PPARGC1B: variants seen among roughly 807,000 people sequenced by gnomAD.
The protein encoded by PPARGC1B is peroxisome proliferator-activated receptor gamma coactivator 1-beta.
Under a neutral mutation model 101.6 loss-of-function variants are expected in PPARGC1B, and 34 were observed. That is an observed-to-expected ratio of 0.33 (90% CI 0.25 to 0.45). The LOEUF (loss-of-function observed/expected upper bound fraction) is 0.45, where lower values mean the gene tolerates loss of function less well. Among genes scored for constraint, PPARGC1B ranks in the 20% least tolerant of loss-of-function variants. The probability of loss-of-function intolerance (pLI) is 1.00; values close to 1 mark genes in which losing one functional copy is unlikely to be tolerated. For missense variants in PPARGC1B, 1,234 were observed against 1,317.6 expected, an observed-to-expected ratio of 0.94 and a Z score of 0.98; for synonymous variants, 548 against 539.3, an observed-to-expected ratio of 1.02 and a Z score of -0.22.
rs1422235216 is a variant in PPARGC1B, at chr5:149,761,296, C to G, written c.78+30876C>G. On this transcript the variant is annotated intron_variant, in intron 1 of 11. Transcript: ENST00000309241. The stretch of plus-strand genomic sequence containing the variant: ...GTGGTGAGAACGTTTAAGATCTACT[C>G]TCTTAGTCAATTTCAAGTATACAAT... 3.3e-5 allele frequency: 5 copies of G among 152,250 alleles called. No homozygotes were observed. In the East Asian group the frequency reaches 9.6e-4, roughly 29 times the overall value. 9.4% of individuals were successfully genotyped at this position (152,250 alleles called of 1,614,324 possible). A position where few individuals can be genotyped will look rare whatever the true frequency, so the allele number is the denominator to read the frequency against.
intron 3 of PPARGC1B, 47 bp downstream of exon 3, chr5:149,826,932 G>C: frequency 6.9e-7 from 1 of 1,459,678 alleles, no homozygotes; most frequent in Middle Eastern, 2.4e-4. Flanking sequence ...CCTGGGATTA[G>C]GTTTCTGGTT....
Position 149,730,352 on chromosome 5 carries a change from A to G in PPARGC1B, c.10A>G (p.Asn4Asp). The G allele has an allele frequency of 1.9e-6, 3 of 1,563,220 alleles. No homozygotes were observed. The highest frequency in any genetic ancestry group is 1.2e-5 in the South Asian group (1 of 83,848). Residue 4 changes from asparagine to aspartate, a missense_variant, in exon 1 of 12, where the codon AAC becomes GAC. By Grantham distance (23) the Asn-to-Asp change is conservative (BLOSUM62 1). This residue lies in a region of PPARGC1B where 734 missense variants were observed against 768.4 expected (regional missense o/e 0.96). Coordinates refer to ENST00000309241, the MANE Select transcript of PPARGC1B (RefSeq NM_133263.4). This position sits in a 1 kb window ranked among gnomAD's most constrained non-coding sequence, Gnocchi z 4.0. MAGNDCGALLDEEL... is the reference protein window; with the variant it reads MAGDDCGALLDEEL... ...CAGCCGCGGCTGGAAGATGGCGGGG[A>G]ACGACTGCGGCGCGCTGCTGGACGA...
intron 1 of PPARGC1B, among the ~76,000 whole-genome samples, chr5:149,771,725 G>A (rs908783281): frequency 1.3e-5 from 2 of 152,160 alleles, no homozygotes; most frequent in Non-Finnish European, 2.9e-5. Flanking sequence ...TGTTCTTTCT[G>A]TTTGCCTAGC....
intron 1 of PPARGC1B, among the ~76,000 whole-genome samples, chr5:149,761,863 TGTGGATAACA>T (rs1204581332): frequency 6.6e-6 from 1 of 152,172 alleles, no homozygotes; most frequent in Non-Finnish European, 1.5e-5. Flanking sequence ...CCCGTGGACA[TGTGGATAACA>T]GTAGTGCCAA....
rs188219918 is a variant in PPARGC1B, at chr5:149,834,216, C to T, written c.1705+438C>T. ...CAACAGTTAGCCACTGTATACTTAC[C>T]GTGCTGGCACTGGTCTCAGATGAAC... On this transcript the variant is annotated intron_variant, in intron 5 of 11. Coordinates refer to ENST00000309241, the MANE Select transcript of PPARGC1B (RefSeq NM_133263.4). Among the ~76,000 whole-genome samples the T allele has an allele frequency of 3.5e-3, 528 of 152,330 alleles. 5 individuals carry two copies. The highest frequency in any genetic ancestry group is 1.6e-3 in the Non-Finnish European group (110 of 68,030).
At chr5:149,813,139 C>CAGTT (rs1328097573) in intron 1 of PPARGC1B, among the ~76,000 whole-genome samples, 13 of 152,104 alleles carry the variant, frequency 8.5e-5, no homozygotes, top group African/African-American at 3.1e-4. Flanking sequence ...GGGCTGGGAT[C>CAGTT]AGTTAGTGGT....
chr5:149,809,615 G>A (rs1268542750), intron 1 of PPARGC1B, among the ~76,000 whole-genome samples: 2 of 148,346 alleles, frequency 1.3e-5, no homozygotes, highest in African/African-American at 5.0e-5. Context: ...TTGAGCCCGG[G>A]AATTCAAGGC....
At chr5:149,838,709 T>C (rs914352057) in intron 8 of PPARGC1B, among the ~76,000 whole-genome samples, 2 of 152,232 alleles carry the variant, frequency 1.3e-5, no homozygotes, top group African/African-American at 4.8e-5. Context: ...TTCCTTTTTC[T>C]CTTCTCACTT....
At chr5:149,824,148 G>A (rs1360847612) in intron 2 of PPARGC1B, among the ~76,000 whole-genome samples, 2 of 152,216 alleles carry the variant, frequency 1.3e-5, no homozygotes, top group African/African-American at 4.8e-5. Flanking sequence ...TGTGCGCCAC[G>A]CATTTGAAAT....
chr5:149,809,866 G>T (rs1757783034), intron 1 of PPARGC1B, among the ~76,000 whole-genome samples: 1 of 152,078 alleles, frequency 6.6e-6, no homozygotes, highest in Admixed American at 6.6e-5. Flanking sequence ...TTGGGGTGCA[G>T]TGGTCAGGGA....
intron 1 of PPARGC1B, among the ~76,000 whole-genome samples, chr5:149,802,666 A>T (rs943096740): frequency 6.6e-6 from 1 of 150,646 alleles, no homozygotes; most frequent in Non-Finnish European, 1.5e-5. Flanking sequence ...TGAGGCATAC[A>T]CAGCTTTATC....
chr5:149,775,671 C>T (rs1756331424), intron 1 of PPARGC1B, among the ~76,000 whole-genome samples: 1 of 151,816 alleles, frequency 6.6e-6, no homozygotes, highest in Admixed American at 6.6e-5. Flanking sequence ...GCTGAGTCTG[C>T]AGCTAGGCAT....
chr5:149,776,203 C>T (rs1756355524), intron 1 of PPARGC1B, among the ~76,000 whole-genome samples: 1 of 152,122 alleles, frequency 6.6e-6, no homozygotes, highest in African/African-American at 2.4e-5. Context: ...GATGAAAGAA[C>T]ATTGGACTGG....
At chr5:149,804,252 G>A (rs78077261) in intron 1 of PPARGC1B, among the ~76,000 whole-genome samples, 4,136 of 152,278 alleles carry the variant, frequency 0.027, 172 homozygotes, top group African/African-American at 0.092. Context: ...CAAAGGTTTA[G>A]TAAGCACCTA....
chr5:149,853,164 C>G lies in PPARGC1B; in HGVS notation c.*5606C>G, dbSNP rs1368697543. On this transcript the variant is annotated 3_prime_UTR_variant, in exon 12 of 12. Coordinates refer to ENST00000309241, the MANE Select transcript of PPARGC1B (RefSeq NM_133263.4). The surrounding 1 kb of genome is among the most constrained non-coding windows in gnomAD (Gnocchi z 4.2). ...ACTTGTGAAGGGAATTGGTCAGTTT[C>G]CACCTCAGCACTTTGCCTTATCAAC... 1 of 152,150 alleles carries G rather than the reference C, an allele frequency of 6.6e-6. No homozygotes were observed. The highest frequency in any genetic ancestry group is 2.4e-5 in the African/African-American group (1 of 41,420). 9.4% of individuals were successfully genotyped at this position (152,150 alleles called of 1,614,324 possible).
chr5:149,818,771 A>G (rs965142945), intron 1 of PPARGC1B: 9 of 454,156 alleles, frequency 2.0e-5, no homozygotes. Context: ...ATTATTTGTT[A>G]TATTACTCTT....
chr5:149,828,521 A>G (rs1267037928), intron 3 of PPARGC1B, among the ~76,000 whole-genome samples: 4 of 152,272 alleles, frequency 2.6e-5, no homozygotes, highest in South Asian at 2.1e-4. Flanking sequence ...TGGTACAACC[A>G]TTAGTGGTAA....
intron 1 of PPARGC1B, among the ~76,000 whole-genome samples, chr5:149,744,380 G>A (rs926604306): frequency 6.6e-6 from 1 of 152,176 alleles, no homozygotes; most frequent in Non-Finnish European, 1.5e-5. Flanking sequence ...GCAGACACGT[G>A]GACTGCAGCA....
chr5:149,826,071 T>C (rs1343388235), intron 2 of PPARGC1B, among the ~76,000 whole-genome samples: 3 of 152,100 alleles, frequency 2.0e-5, no homozygotes, highest in Non-Finnish European at 4.4e-5. Context: ...CCAGAGGTGC[T>C]AAGTATGGGA....
Sources: gnomAD v4.1 joint callset for allele counts (sites outside exome capture counted in the v4.1 genomes callset) on GRCh38, gnomAD v4.1.1 for gene constraint, gnomAD v4.1.1 regional missense constraint, Gnocchi (gnomAD v3.1) non-coding constraint, MANE v1.5 for transcripts, NCBI Gene and HGNC (gene_info 2026-07-23, HGNC 2026-07-21) for gene names.